Variants in SGCD observed in about 807,000 individuals in gnomAD.
SGCD encodes sarcoglycan delta.
A neutral mutation model predicts 36.6 loss-of-function variants in SGCD; 18 were observed. The ratio of observed to expected loss-of-function variants is 0.49; its 90% CI spans 0.34 to 0.73. The LOEUF (loss-of-function observed/expected upper bound fraction) is 0.73, where lower values mean the gene tolerates loss of function less well. Among genes scored for constraint, SGCD ranks in the 30% least tolerant of loss-of-function variants. SGCD has a pLI of 0.01. For synonymous variants in SGCD, 133 were observed against 130.6 expected (o/e 1.02, Z -0.12); for missense variants, 387 against 346.7 (o/e 1.12, Z -0.92).
Position 156,626,510 on chromosome 5 carries a change from A to G in SGCD, c.503-20954A>G, listed in dbSNP as rs150498899. ...AGTGGGGAAGACAGAAGTGATGTGC[A>G]TAGAGGTTTGAATCTCTGCCTCCTG... On this transcript the variant is annotated intron_variant, in intron 6 of 8. Transcript: ENST00000337851. 5.0e-3 allele frequency among the ~76,000 whole-genome samples: 763 copies of G among 152,316 alleles called. 5 individuals are homozygous for G. Among genetic ancestry groups the G allele is most frequent in the African/African-American group, 0.017 (713 of 41,568 alleles).
chr5:155,767,183 G>A, the SGCD span, among the ~76,000 whole-genome samples: 3 of 152,178 alleles, frequency 2.0e-5, no homozygotes, highest in African/African-American at 7.2e-5. Context: ...GCAGCTCCAT[G>A]GAAGTGGGTC....
chr5:156,220,690 A>T (rs1310527243), intron 3 of SGCD, among the ~76,000 whole-genome samples: 1 of 152,134 alleles, frequency 6.6e-6, no homozygotes, highest in Admixed American at 6.6e-5. Flanking sequence ...CTACCAGTCA[A>T]AACAGGAAGA....
chr5:156,569,313 C>T (rs1450685075), intron 4 of SGCD, among the ~76,000 whole-genome samples: 1 of 152,000 alleles, frequency 6.6e-6, no homozygotes, highest in Non-Finnish European at 1.5e-5. Flanking sequence ...GACAATCAGC[C>T]GGGCATGGTA....
intron 6 of SGCD, among the ~76,000 whole-genome samples, chr5:156,628,785 G>A (rs1187950803): frequency 6.6e-6 from 1 of 152,160 alleles, no homozygotes; most frequent in Non-Finnish European, 1.5e-5. Flanking sequence ...GAAGTGGGAG[G>A]GGATGGGTGT....
intron 1 of SGCD, among the ~76,000 whole-genome samples, chr5:155,872,604 G>A (rs1204337322): frequency 6.6e-6 from 1 of 152,108 alleles, no homozygotes; most frequent in African/African-American, 2.4e-5. Flanking sequence ...TGTACACTGT[G>A]TACATTTCTT....
chr5:156,274,651 C>G (rs1253482855), intron 3 of SGCD, among the ~76,000 whole-genome samples: 1 of 152,100 alleles, frequency 6.6e-6, no homozygotes, highest in Non-Finnish European at 1.5e-5. Flanking sequence ...AGCACAAACA[C>G]TAGAACAAGA....
chr5:155,896,283 T>C (rs1756256421), intron 1 of SGCD, among the ~76,000 whole-genome samples: 1 of 152,148 alleles, frequency 6.6e-6, no homozygotes. Context: ...TTGAACACTT[T>C]AGCCTTTTAG....
intron 3 of SGCD, among the ~76,000 whole-genome samples, chr5:156,428,919 T>G (rs956504801): frequency 6.6e-6 from 1 of 152,120 alleles, no homozygotes; most frequent in African/African-American, 2.4e-5. Flanking sequence ...GATTTTGATT[T>G]TCTTAAATTT....
At chr5:156,517,929 C>T (rs997593080) in intron 4 of SGCD, among the ~76,000 whole-genome samples, 2 of 152,076 alleles carry the variant, frequency 1.3e-5, no homozygotes, top group Non-Finnish European at 2.9e-5. Context: ...AGCAACTACA[C>T]CAACAAGTCT....
chr5:156,429,351 G>A (rs556658060), intron 3 of SGCD, among the ~76,000 whole-genome samples: 18 of 142,592 alleles, frequency 1.3e-4, no homozygotes, highest in African/African-American at 4.0e-4. Flanking sequence ...TTTGGTTTCC[G>A]TTTGCCTAGA....
chr5:155,970,940 G>A (rs1285277172), intron 1 of SGCD, among the ~76,000 whole-genome samples: 1 of 152,048 alleles, frequency 6.6e-6, no homozygotes, highest in Admixed American at 6.6e-5. Flanking sequence ...GTCCAGGCTG[G>A]CATGTCTGTG....
At chr5:156,421,786 C>T (rs543012823) in intron 3 of SGCD, among the ~76,000 whole-genome samples, 4 of 152,112 alleles carry the variant, frequency 2.6e-5, no homozygotes, top group South Asian at 4.1e-4. Flanking sequence ...TTCACTTACT[C>T]TTTATTGCCT....
chr5:156,681,654 CG>C (rs1159084781), intron 7 of SGCD, among the ~76,000 whole-genome samples: 2 of 152,070 alleles, frequency 1.3e-5, no homozygotes, highest in African/African-American at 4.8e-5. Flanking sequence ...TTATGTTTGA[CG>C]CTGGAGAGGA....
intron 3 of SGCD, among the ~76,000 whole-genome samples, chr5:156,204,173 C>G (rs942731491): frequency 2.0e-5 from 3 of 151,992 alleles, no homozygotes; most frequent in Non-Finnish European, 2.9e-5. Flanking sequence ...TACTCCTCAA[C>G]AAGTGTTACT....
chr5:156,460,683 G>A (rs889078419), intron 3 of SGCD, among the ~76,000 whole-genome samples: 2 of 152,148 alleles, frequency 1.3e-5, no homozygotes, highest in Non-Finnish European at 2.9e-5. Context: ...CATAGCCTGA[G>A]ATAGTTAAGG....
intron 3 of SGCD, among the ~76,000 whole-genome samples, chr5:156,257,820 C>A (rs1463158358): frequency 1.3e-5 from 2 of 152,134 alleles, no homozygotes; most frequent in Non-Finnish European, 2.9e-5. Context: ...GCCGAGATCA[C>A]GCCACTGCAC....
intron 3 of SGCD, among the ~76,000 whole-genome samples, chr5:156,135,410 T>A (rs1762432810): frequency 6.6e-6 from 1 of 152,186 alleles, no homozygotes; most frequent in African/African-American, 2.4e-5. Context: ...ATAAGACACC[T>A]GGTACATGTG....
At chr5:155,797,774 A>T in the SGCD span, among the ~76,000 whole-genome samples, 1 of 152,212 alleles carries the variant, frequency 6.6e-6, no homozygotes, top group South Asian at 2.1e-4. Flanking sequence ...GTTAAATAAG[A>T]TGACATCTGT....
chr5:156,388,037 G>T (rs915626000), intron 3 of SGCD, among the ~76,000 whole-genome samples: 2 of 152,140 alleles, frequency 1.3e-5, no homozygotes, highest in Admixed American at 1.3e-4. Context: ...ATCTTTTCAG[G>T]CTCAGTTGAT....
Sources: allele counts gnomAD v4.1 joint callset (sites outside exome capture counted in the v4.1 genomes callset), GRCh38; gene constraint gnomAD v4.1.1; transcripts MANE v1.5; gene names NCBI Gene and HGNC (gene_info 2026-07-23, HGNC 2026-07-21).